Variants in ADAMTS18 observed in about 807,000 individuals in gnomAD.
The protein encoded by ADAMTS18 is ADAM metallopeptidase with thrombospondin type 1 motif 18.
Under a neutral mutation model 165.9 loss-of-function variants are expected in ADAMTS18, and 157 were observed. That is an observed-to-expected ratio of 0.95 (90% confidence interval 0.83 to 1.08). ADAMTS18 has a LOEUF of 1.08. Among genes scored for constraint, ADAMTS18 ranks in the 50% least tolerant of loss-of-function variants. ADAMTS18 has a pLI of 0.00. For missense variants in ADAMTS18, 2,040 were observed against 1,534.0 expected, an observed-to-expected ratio of 1.33 and a Z score of -5.51; for synonymous variants, 782 against 578.2, an observed-to-expected ratio of 1.35 and a Z score of -5.06.
In ADAMTS18 at chr16:77,295,838, C is replaced by G. The variant is rs146264458; in HGVS notation, c.2802-711G>C. On this transcript the variant is annotated intron_variant, in intron 18 of 22. Transcript: ENST00000282849. ...ACTTGGTATATATTTGAACGGTTAT[C>G]AATTGAAACTTTTTTTGTTTTTGAG... Among the ~76,000 whole-genome samples, 157 of 151,854 alleles carry G rather than the reference C, an allele frequency of 1.0e-3. 1 individual carries two copies. The highest frequency in any genetic ancestry group is 3.6e-3 in the African/African-American group (150 of 41,392).
At chr16:77,291,053 C>CCCAGATAA in intron 21 of ADAMTS18, 2 of 532,244 alleles carry the variant, frequency 3.8e-6, no homozygotes, top group South Asian at 4.3e-5. Context: ...AATCAACTCT[C>CCCAGATAA]CCAGATAATG....
At position 77,376,068 on chromosome 16, in the gene ADAMTS18, T is replaced by G. The variant is rs144736343; in HGVS notation, c.496-8345A>C. 5.2e-3 allele frequency among the ~76,000 whole-genome samples: 784 copies of G among 151,956 alleles called. 12 individuals carry two copies. The highest frequency in any genetic ancestry group is 0.018 in the African/African-American group (753 of 41,430). ...ACAGGCATGGGCCACCACGCCCGGC[T>G]AATTTTGTATTTTTAGTAAAGACGG... On this transcript the variant is annotated intron_variant, in intron 3 of 22. Transcript: ENST00000282849.
In ADAMTS18 at chr16:77,434,449, G is replaced by A. The variant is rs960563365; in HGVS notation, c.147C>T (p.Asp49=). 10 of 1,574,180 alleles carry A rather than the reference G, an allele frequency of 6.4e-6. No homozygotes were observed. In the African/African-American group the frequency reaches 1.1e-4, roughly 17 times the overall value. ...TTAATCCGCTGGCGCCGCTGCTGCTGTCACTGGCTAAGGCCGCGGCGACCG... is the reference window on the plus strand; with the variant it reads ...TTAATCCGCTGGCGCCGCTGCTGCTATCACTGGCTAAGGCCGCGGCGACCG... ...CASVAAALAS[D]SSSGASGLND... is the part of the protein sequence containing the mutation. Residue 49 remains aspartate, a synonymous_variant, in exon 2 of 23, where the codon GAC becomes GAT. Transcript: ENST00000282849.
chr16:77,291,883 G>T (rs543175122), intron 20 of ADAMTS18, among the ~76,000 whole-genome samples: 13 of 152,126 alleles, frequency 8.5e-5, no homozygotes, highest in Non-Finnish European at 1.8e-4. Context: ...AGAGGGTAAG[G>T]GCCAGAGAAA....
At chr16:77,300,863 T>G (rs1037302393) in intron 16 of ADAMTS18, among the ~76,000 whole-genome samples, 1 of 152,136 alleles carries the variant, frequency 6.6e-6, no homozygotes, top group African/African-American at 2.4e-5. Flanking sequence ...AGGTCACAAT[T>G]TACAAGCTCT....
intron 3 of ADAMTS18, among the ~76,000 whole-genome samples, chr16:77,428,100 A>G (rs1273361206): frequency 2.0e-5 from 3 of 152,178 alleles, no homozygotes; most frequent in Admixed American, 6.5e-5. Context: ...CACATCCAAA[A>G]GGACCCTAAG....
At chr16:77,364,901 T>A (rs981676234) in intron 4 of ADAMTS18, among the ~76,000 whole-genome samples, 4 of 151,468 alleles carry the variant, frequency 2.6e-5, no homozygotes, top group African/African-American at 4.9e-5. Context: ...AGGTCAGGAG[T>A]TTGACACCAG....
intron 3 of ADAMTS18, among the ~76,000 whole-genome samples, chr16:77,406,799 T>C (rs1048019576): frequency 2.0e-5 from 3 of 152,008 alleles, no homozygotes; most frequent in Non-Finnish European, 4.4e-5. Context: ...TGCAGCAACA[T>C]GAATGCAACT....
At position 77,434,792 on chromosome 16, in the gene ADAMTS18, C is replaced by A; in HGVS notation, c.-97G>T. On this transcript the variant is annotated 5_prime_UTR_variant, in exon 1 of 23. Coordinates refer to ENST00000282849, the MANE Select transcript of ADAMTS18 (RefSeq NM_199355.4). ...TTCCGCGGCCCCGGAGCTCGGCGCC[C>A]CAGGTGCGGCTCCAGGTGAGAGCCG... 1 of 1,073,150 alleles carries A rather than the reference C, an allele frequency of 9.3e-7. No homozygotes were observed. The highest frequency in any genetic ancestry group is 2.5e-5 in the South Asian group (1 of 39,424). The allele number at this position is 1,073,150 out of a possible 1,614,324, so 66.5% of individuals were successfully genotyped here.
At chr16:77,398,221 G>T (rs2057283161) in intron 3 of ADAMTS18, among the ~76,000 whole-genome samples, 1 of 152,062 alleles carries the variant, frequency 6.6e-6, no homozygotes, top group Admixed American at 6.6e-5. Flanking sequence ...GGAGCCTGAG[G>T]CAGAAGAATC....
intron 12 of ADAMTS18, among the ~76,000 whole-genome samples, chr16:77,333,762 T>C (rs1182735098): frequency 6.7e-6 from 1 of 149,636 alleles, no homozygotes; most frequent in Admixed American, 6.7e-5. Flanking sequence ...GTGTGCCATG[T>C]TTTCTTTATC....
At chr16:77,398,454 T>C (rs10445055) in intron 3 of ADAMTS18, among the ~76,000 whole-genome samples, 20,392 of 152,078 alleles carry the variant, frequency 0.13, 1,534 homozygotes, top group East Asian at 0.22. Context: ...CAGAAGGCAG[T>C]GATCAAAGCT....
intron 10 of ADAMTS18, among the ~76,000 whole-genome samples, chr16:77,352,918 A>G (rs2144712161): frequency 6.6e-6 from 1 of 152,074 alleles, no homozygotes; most frequent in South Asian, 2.1e-4. Flanking sequence ...ACCACGGTGA[A>G]ATCCCTTCTC....
rs541919238 is a variant in ADAMTS18 at position 77,321,010 on chromosome 16, C to T, written c.2287+69G>A. On this transcript the variant is annotated intron_variant, in intron 15 of 22. Coordinates refer to ENST00000282849, the MANE Select transcript of ADAMTS18 (RefSeq NM_199355.4). ...TAGTAAAAGGCTCAACCACATTTGGCGTGACTCAAACTTGTTTGGTAGCAA... is the reference window on the plus strand; with the variant it reads ...TAGTAAAAGGCTCAACCACATTTGGTGTGACTCAAACTTGTTTGGTAGCAA... The T allele has an allele frequency of 1.8e-5, 29 of 1,596,142 alleles. No individual in the cohort carries two copies. In the East Asian group the frequency reaches 3.6e-4, roughly 20 times the overall value.
intron 3 of ADAMTS18, among the ~76,000 whole-genome samples, chr16:77,412,159 C>G (rs2057473007): frequency 6.6e-6 from 1 of 152,092 alleles, no homozygotes; most frequent in African/African-American, 2.4e-5. Flanking sequence ...AACAAAAAGA[C>G]TGAGTAAGGA....
chr16:77,289,396 CA>C lies in ADAMTS18; in HGVS notation c.3417del (p.Cys1139TrpfsTer51). The C allele has an allele frequency of 6.2e-7, 1 of 1,614,062 alleles. No individual in the cohort carries two copies. The highest frequency in any genetic ancestry group is 8.5e-7 in the Non-Finnish European group (1 of 1,179,984). On this transcript the variant is annotated frameshift_variant, in exon 22 of 23. Coordinates refer to ENST00000282849, the MANE Select transcript of ADAMTS18 (RefSeq NM_199355.4). LOFTEE classifies it high-confidence loss of function. ...ACTGACCGGGTCTGGACCCCTCCCC[CA>C]CAGGTGACTGTGCACTGCAGCAGAG... ...SLPWQQCTVT[C>X]GGGVQTRSVH...
intron 3 of ADAMTS18, among the ~76,000 whole-genome samples, chr16:77,419,627 T>C (rs2057575259): frequency 6.6e-6 from 1 of 152,150 alleles, no homozygotes; most frequent in Non-Finnish European, 1.5e-5. Context: ...CATGGTTACA[T>C]CTGCAAAAAC....
In ADAMTS18 at chr16:77,434,409, A is replaced by G. The variant is rs1251618809; in HGVS notation, c.178+9T>C. The G allele has an allele frequency of 2.6e-6, 4 of 1,566,500 alleles. No homozygotes were observed. Among genetic ancestry groups the G allele is most frequent in the Non-Finnish European group, 3.4e-6 (4 of 1,162,384 alleles). ...AGGCCCTTCTTGGGGATGGGGGGCA[A>G]ATACGAACCATCATTTAATCCGCTG... On this transcript the variant is annotated intron_variant, in intron 2 of 22. Coordinates refer to ENST00000282849, the MANE Select transcript of ADAMTS18 (RefSeq NM_199355.4).
chr16:77,425,806 G>A (rs905168995), intron 3 of ADAMTS18, among the ~76,000 whole-genome samples: 10 of 152,108 alleles, frequency 6.6e-5, no homozygotes, highest in African/African-American at 2.2e-4. Flanking sequence ...ACTTTGGGAG[G>A]CTGAGGTAGG....
Sources: allele counts gnomAD v4.1 joint callset (sites outside exome capture counted in the v4.1 genomes callset), GRCh38; gene constraint gnomAD v4.1.1; transcripts MANE v1.5; gene names NCBI Gene and HGNC (gene_info 2026-07-23, HGNC 2026-07-21).